DCC: variants seen among roughly 807,000 people sequenced by gnomAD.
DCC encodes the protein DCC netrin 1 receptor.
In DCC, 58 loss-of-function variants were observed where a neutral mutation model predicts 172.5. That is an observed-to-expected ratio of 0.34 (90% CI 0.27 to 0.42). The LOEUF is 0.42. DCC is among the 10% of genes least tolerant of loss of function. DCC has a pLI of 1.00. For synonymous variants in DCC, 709 were observed against 644.5 expected, an observed-to-expected ratio of 1.10 and a Z score of -1.52; for missense variants, 1,740 against 1,791.0, an observed-to-expected ratio of 0.97 and a Z score of 0.51.
At chr18:52,426,676 G>A (rs185861299) in intron 1 of DCC, among the ~76,000 whole-genome samples, 4 of 152,126 alleles carry the variant, frequency 2.6e-5, no homozygotes, top group Admixed American at 2.6e-4. Flanking sequence ...ATCTGCTTTA[G>A]TTAGTCTTTG....
At chr18:52,845,517 T>C (rs952145649) in intron 2 of DCC, among the ~76,000 whole-genome samples, 12 of 152,060 alleles carry the variant, frequency 7.9e-5, no homozygotes, top group Admixed American at 2.6e-4. Context: ...AAAAAGACCA[T>C]GAAAACCTCT....
chr18:53,284,554 C>G (rs1274985712), intron 12 of DCC, among the ~76,000 whole-genome samples: 1 of 152,154 alleles, frequency 6.6e-6, no homozygotes, highest in East Asian at 1.9e-4. Flanking sequence ...ACTGTAAGTC[C>G]AATAAACCTC....
At chr18:52,397,060 G>A (rs940854174) in intron 1 of DCC, among the ~76,000 whole-genome samples, 5 of 151,844 alleles carry the variant, frequency 3.3e-5, no homozygotes, top group Non-Finnish European at 5.9e-5. Context: ...TGCTAATTGC[G>A]GCCACCTCTC....
intron 1 of DCC, among the ~76,000 whole-genome samples, chr18:52,737,810 C>T (rs1167579338): frequency 2.6e-5 from 4 of 152,080 alleles, no homozygotes; most frequent in African/African-American, 7.2e-5. Context: ...GGATGTACAG[C>T]CAACAGACCA....
chr18:53,100,064 A>G (rs1206716577), intron 7 of DCC, among the ~76,000 whole-genome samples: 1 of 150,990 alleles, frequency 6.6e-6, no homozygotes, highest in Non-Finnish European at 1.5e-5. Flanking sequence ...CTCCTGCATC[A>G]GCCTCCCAAG....
intron 25 of DCC, among the ~76,000 whole-genome samples, chr18:53,469,207 CCTTGGT>C (rs1201939609): frequency 6.6e-6 from 1 of 152,094 alleles, no homozygotes; most frequent in African/African-American, 2.4e-5. Flanking sequence ...GTCTCATCTC[CCTTGGT>C]CTTCCTTCCC....
chr18:52,763,552 A>G (rs911812447), intron 2 of DCC, among the ~76,000 whole-genome samples: 2 of 152,188 alleles, frequency 1.3e-5, no homozygotes, highest in African/African-American at 4.8e-5. Context: ...TTGCAGATAA[A>G]ATAAATGTTC....
At chr18:52,462,301 A>T (rs914794213) in intron 1 of DCC, among the ~76,000 whole-genome samples, 1 of 151,944 alleles carries the variant, frequency 6.6e-6, no homozygotes, top group African/African-American at 2.4e-5. Flanking sequence ...CTCATTCAGA[A>T]CCCTCCAATG....
chr18:52,633,311 G>A (rs1172359603), intron 1 of DCC, among the ~76,000 whole-genome samples: 1 of 152,152 alleles, frequency 6.6e-6, no homozygotes, highest in Non-Finnish European at 1.5e-5. Flanking sequence ...AGCAACAATT[G>A]GCAAGAGGGC....
intron 5 of DCC, among the ~76,000 whole-genome samples, chr18:53,034,699 AC>A (rs1178798768): frequency 7.4e-6 from 1 of 134,888 alleles, no homozygotes; most frequent in East Asian, 2.3e-4. Context: ...ATCTGCTCCA[AC>A]TTTTTTTTTT....
intron 5 of DCC, among the ~76,000 whole-genome samples, chr18:52,951,623 T>C (rs1027772087): frequency 6.6e-6 from 1 of 152,334 alleles, no homozygotes; most frequent in Admixed American, 6.5e-5. Context: ...TCATTCTTTT[T>C]TATGGCTGCA....
chr18:52,760,469 G>A (rs1456801025), intron 2 of DCC, among the ~76,000 whole-genome samples: 1 of 152,098 alleles, frequency 6.6e-6, no homozygotes, highest in Non-Finnish European at 1.5e-5. Context: ...GTCACATGAG[G>A]GTTTCTTTTA....
At chr18:53,034,540 A>G (rs529317133) in intron 5 of DCC, among the ~76,000 whole-genome samples, 93 of 152,208 alleles carry the variant, frequency 6.1e-4, no homozygotes, top group South Asian at 2.9e-3. Flanking sequence ...CTACCATGCC[A>G]TGCTGGCTCA....
chr18:52,697,335 T>G (rs1378290859), intron 1 of DCC, among the ~76,000 whole-genome samples: 1 of 152,140 alleles, frequency 6.6e-6, no homozygotes, highest in Non-Finnish European at 1.5e-5. Flanking sequence ...ACTCTTCCAG[T>G]ACTAATGGAT....
chr18:52,962,749 T>TA (rs1191437668), intron 5 of DCC, among the ~76,000 whole-genome samples: 1 of 151,716 alleles, frequency 6.6e-6, no homozygotes, highest in Non-Finnish European at 1.5e-5. Flanking sequence ...ATGTGGCACA[T>TA]ATACACCATG....
chr18:53,264,460 G>A (rs564354218), intron 12 of DCC, among the ~76,000 whole-genome samples: 10 of 130,826 alleles, frequency 7.6e-5, no homozygotes, highest in South Asian at 2.4e-4. Flanking sequence ...TGGGCGAAAC[G>A]AGCAAAACTC....
chr18:52,738,655 A>G lies in DCC; in HGVS notation c.92-13399A>G, dbSNP rs80050955. 2.0e-3 allele frequency among the ~76,000 whole-genome samples: 301 copies of G among 152,198 alleles called. 1 individual carries two copies. The highest frequency in any genetic ancestry group is 6.9e-3 in the African/African-American group (287 of 41,536). ...CCTAGGCTACACCAAATTTATTTTAAAAATTATTTTCTTCCATAACAAATT... is the reference window on the plus strand; with the variant it reads ...CCTAGGCTACACCAAATTTATTTTAGAAATTATTTTCTTCCATAACAAATT... On this transcript the variant is annotated intron_variant, in intron 1 of 28. Coordinates refer to ENST00000442544, the MANE Select transcript of DCC (RefSeq NM_005215.4).
intron 5 of DCC, among the ~76,000 whole-genome samples, chr18:52,999,268 T>A (rs986169305): frequency 6.6e-6 from 1 of 152,078 alleles, no homozygotes; most frequent in African/African-American, 2.4e-5. Flanking sequence ...CAGCACAAGC[T>A]CTACAGACAT....
intron 13 of DCC, among the ~76,000 whole-genome samples, chr18:53,308,150 C>T (rs1411486011): frequency 1.3e-5 from 2 of 150,784 alleles, no homozygotes; most frequent in Non-Finnish European, 3.0e-5. Context: ...CCTAAATATC[C>T]AACTATAGGA....
Sources: gnomAD v4.1 joint callset for allele counts (sites outside exome capture counted in the v4.1 genomes callset) on GRCh38, gnomAD v4.1.1 for gene constraint, MANE v1.5 for transcripts, NCBI Gene and HGNC (gene_info 2026-07-23, HGNC 2026-07-21) for gene names.